INTS3: variants seen among roughly 807,000 people sequenced by gnomAD.
INTS3 encodes the protein SOSS complex subunit A.
A neutral mutation model predicts 146.3 loss-of-function variants in INTS3; 34 were observed. The observed-to-expected ratio is 0.23, with a 90% CI of 0.18 to 0.31. INTS3 has a LOEUF of 0.31. Among genes scored for constraint, INTS3 ranks in the 10% least tolerant of loss-of-function variants. INTS3 has a pLI of 1.00. For missense variants in INTS3, 757 were observed against 1,304.2 expected (o/e 0.58, Z 6.46); for synonymous variants, 475 against 494.9 (o/e 0.96, Z 0.53).
intron 19 of INTS3, 79 bp from the exon 20 acceptor site, chr1:153,764,865 C>T: frequency 1.3e-6 from 2 of 1,588,084 alleles, no homozygotes; most frequent in African/African-American, 1.3e-5. Flanking sequence ...CACAGACAGC[C>T]CATGCCACCT....
intron 23 of INTS3, 55 bp from the exon 24 acceptor site, chr1:153,770,143 G>C: frequency 1.1e-6 from 1 of 885,188 alleles, no homozygotes; most frequent in Non-Finnish European, 1.9e-6. Flanking sequence ...GGGTGTGTGT[G>C]TGTGTGTGTT....
chr1:153,757,995 A>T lies in INTS3; in HGVS notation c.1149+232A>T, dbSNP rs1672224782. On this transcript the variant is annotated intron_variant, in intron 10 of 29. Coordinates refer to ENST00000318967, the MANE Select transcript of INTS3 (RefSeq NM_023015.5). This position sits in a 1 kb window ranked among gnomAD's most constrained non-coding sequence, Gnocchi z 4.0. ...AGGTTCATCTCCCCCATTACTGCCA[A>T]CCCCCAAAAGCCTGGGTTTCTGGAG... is the stretch of plus-strand genomic sequence containing the variant. 6.6e-6 allele frequency among the ~76,000 whole-genome samples: 1 copy of T among 151,452 alleles called. No homozygotes were observed. The highest frequency in any genetic ancestry group is 2.4e-5 in the African/African-American group (1 of 41,190).
Position 153,769,701 on chromosome 1 carries a change from C to T in INTS3, c.2314-68C>T. ...TTCCCTTACGAGCCCTCCTGCGTCC[C>T]CCTCCATACTAGCTTCCTGGCCCCT... is the stretch of plus-strand genomic sequence containing the variant. On this transcript the variant is annotated intron_variant, in intron 22 of 29. Coordinates refer to ENST00000318967, the MANE Select transcript of INTS3 (RefSeq NM_023015.5). 2 of 1,028,548 alleles carry T rather than the reference C, an allele frequency of 1.9e-6. 1 individual carries two copies. The highest frequency in any genetic ancestry group is 3.6e-5 in the Admixed American group (2 of 56,102). 63.7% of individuals were successfully genotyped at this position (1,028,548 alleles called of 1,614,324 possible). A position where few individuals can be genotyped will look rare whatever the true frequency, so the allele number is the denominator to read the frequency against.
intron 20 of INTS3, among the ~76,000 whole-genome samples, chr1:153,766,109 CTT>C (rs1672568649): frequency 1.5e-5 from 2 of 129,666 alleles, no homozygotes; most frequent in African/African-American, 5.8e-5. Context: ...TTGCTTTTTT[CTT>C]TCTCTTTTTT....
rs138539105 is a variant in INTS3, at chr1:153,735,463, G to C, written c.151-5188G>C. On this transcript the variant is annotated intron_variant, in intron 1 of 29. Transcript: ENST00000318967. ...GGGTTCTTTCTATGTTATGCTTCCT[G>C]TCAGTTTGCTTATTAGCTAGCTGCT... is the stretch of plus-strand genomic sequence containing the variant. Among the ~76,000 whole-genome samples the C allele has an allele frequency of 1.2e-4, 18 of 152,302 alleles. 1 individual carries two copies. In the East Asian group the frequency reaches 1.5e-3, roughly 13 times the overall value.
chr1:153,749,250 A>G (rs1453361631), intron 6 of INTS3, among the ~76,000 whole-genome samples: 2 of 152,156 alleles, frequency 1.3e-5, no homozygotes, highest in African/African-American at 4.8e-5. Context: ...TTCCAGTGGT[A>G]GAGGGTGCAT....
At position 153,772,373 on chromosome 1, in the gene INTS3, G is replaced by A. The variant is rs768259651; in HGVS notation, c.2754G>A (p.Leu918=). The change falls in exon 27 of 30, where the codon CTG becomes CTA. Residue 918 remains leucine, a synonymous_variant. Coordinates refer to ENST00000318967, the MANE Select transcript of INTS3 (RefSeq NM_023015.5). This position sits in a 1 kb window ranked among gnomAD's most constrained non-coding sequence, Gnocchi z 4.6. ...LRSSSSKLAQ[L]TLEQILEHLD... The stretch of plus-strand genomic sequence containing the variant: ...GCTCTAGCAGCAAGCTGGCCCAGCT[G>A]ACTCTGGAGCAGATCCTGGAGCACT... 6.2e-7 allele frequency: 1 copy of A among 1,614,154 alleles called. No individual in the cohort carries two copies. Among genetic ancestry groups the A allele is most frequent in the Non-Finnish European group, 8.5e-7 (1 of 1,180,032 alleles).
At chr1:153,762,648 C>T (rs1672427857) in intron 14 of INTS3, 80 bp from the exon 15 acceptor site, 1 of 1,539,248 alleles carries the variant, frequency 6.5e-7, no homozygotes, top group African/African-American at 1.4e-5. Flanking sequence ...ACTTGCCCTC[C>T]ATTCTCCCTT....
At position 153,728,540 on chromosome 1, in the gene INTS3, T is replaced by C; in HGVS notation, c.-95T>C. 6.9e-7 allele frequency: 1 copy of C among 1,450,790 alleles called. No homozygotes were observed. The highest frequency in any genetic ancestry group is 1.5e-5 in the African/African-American group (1 of 68,164). The allele number at this position is 1,450,790 out of a possible 1,614,324, so 89.9% of individuals were successfully genotyped here. A position where few individuals can be genotyped will look rare whatever the true frequency, so the allele number is the denominator to read the frequency against. On this transcript the variant is annotated 5_prime_UTR_variant, in exon 1 of 30. Transcript: ENST00000318967. ...TGCTCTCCCCTCCCCAACTTGTTCCTCTTGCCCCCCAGTCCCTGGCAATCC... is the reference window on the plus strand; with the variant it reads ...TGCTCTCCCCTCCCCAACTTGTTCCCCTTGCCCCCCAGTCCCTGGCAATCC...
intron 8 of INTS3, among the ~76,000 whole-genome samples, chr1:153,753,174 C>G (rs925528183): frequency 2.0e-5 from 3 of 152,080 alleles, no homozygotes; most frequent in African/African-American, 2.4e-5. Flanking sequence ...GCTTTAAGTG[C>G]CTCCACTGTG....
Position 153,757,552 on chromosome 1 carries a change from C to G in INTS3, c.958-20C>G, listed in dbSNP as rs1275880501. The G allele has an allele frequency of 6.2e-7, 1 of 1,609,696 alleles. No individual in the cohort carries two copies. Among genetic ancestry groups the G allele is most frequent in the East Asian group, 2.2e-5 (1 of 44,790 alleles). ...CCACACTGTCTTCTAAGGTCTTTTT[C>G]TTGCTTCCCCTTTCCCCAGGTGCGA... On this transcript the variant is annotated intron_variant, in intron 9 of 29. Coordinates refer to ENST00000318967, the MANE Select transcript of INTS3 (RefSeq NM_023015.5). This position sits in a 1 kb window ranked among gnomAD's most constrained non-coding sequence, Gnocchi z 4.0.
rs1249448311 is a variant in INTS3, at chr1:153,770,894, T to G, written c.2552+161T>G. On this transcript the variant is annotated intron_variant, in intron 25 of 29. Transcript: ENST00000318967. Reference sequence around the variant, plus strand: ...CCAACGTGACTTACAAATGAGCAGCTCCCCTGGGATCTGGGCTTCCTCTCG... The same window carrying G: ...CCAACGTGACTTACAAATGAGCAGCGCCCCTGGGATCTGGGCTTCCTCTCG... Among the ~76,000 whole-genome samples, 3 of 152,114 alleles carry G rather than the reference T, an allele frequency of 2.0e-5. No homozygotes were observed. In the East Asian group the frequency reaches 5.8e-4, roughly 29 times the overall value.
intron 5 of INTS3, 81 bp downstream of exon 5, chr1:153,747,444 C>A: frequency 9.4e-7 from 1 of 1,061,626 alleles, no homozygotes; most frequent in Non-Finnish European, 1.5e-6. Context: ...TGATTAAGTG[C>A]CAAAGGGATG....
At chr1:153,755,160 C>A (rs1196118923) in intron 9 of INTS3, among the ~76,000 whole-genome samples, 2 of 152,078 alleles carry the variant, frequency 1.3e-5, no homozygotes, top group Non-Finnish European at 2.9e-5. Flanking sequence ...CCAGACTTGA[C>A]TGAATAATGG....
rs1261502141 is a variant in INTS3 at position 153,757,900 on chromosome 1, C to T, written c.1149+137C>T. 8.1e-6 allele frequency: 5 copies of T among 618,786 alleles called. No homozygotes were observed. Among genetic ancestry groups the T allele is most frequent in the Non-Finnish European group, 1.4e-5 (5 of 353,418 alleles). The allele number at this position is 618,786 out of a possible 1,614,324, so 38.3% of individuals were successfully genotyped here. ...CTCTGGTCTTCCAGAGTGTCTCAGCCTTCACTTCCCTTTGTGTCTCTAGAA... is the reference window on the plus strand; with the variant it reads ...CTCTGGTCTTCCAGAGTGTCTCAGCTTTCACTTCCCTTTGTGTCTCTAGAA... On this transcript the variant is annotated intron_variant, in intron 10 of 29. Coordinates refer to ENST00000318967, the MANE Select transcript of INTS3 (RefSeq NM_023015.5). This position sits in a 1 kb window ranked among gnomAD's most constrained non-coding sequence, Gnocchi z 4.0.
intron 24 of INTS3, 138 bp from the exon 25 acceptor site, chr1:153,770,547 G>A (rs1467304474): frequency 1.3e-6 from 1 of 762,762 alleles, no homozygotes; most frequent in African/African-American, 1.7e-5. Context: ...GATAGGAGTG[G>A]GGTAGGGGAT....
rs918985139 is a variant in INTS3, at chr1:153,728,565, C to T, written c.-70C>T. ...TCTTGCCCCCCAGTCCCTGGCAATC[C>T]AGAGATCCCGATATCTAGGACTGTC... is the stretch of plus-strand genomic sequence containing the variant. On this transcript the variant is annotated 5_prime_UTR_variant, in exon 1 of 30. Coordinates refer to ENST00000318967, the MANE Select transcript of INTS3 (RefSeq NM_023015.5). 1.3e-6 allele frequency: 2 copies of T among 1,505,376 alleles called. No homozygotes were observed. The highest frequency in any genetic ancestry group is 1.8e-6 in the Non-Finnish European group (2 of 1,130,064). 93.3% of individuals were successfully genotyped at this position (1,505,376 alleles called of 1,614,324 possible). A position where few individuals can be genotyped will look rare whatever the true frequency, so the allele number is the denominator to read the frequency against.
At chr1:153,770,758 T>G (rs6675978) in intron 25 of INTS3, 25 bp downstream of exon 25, 20 of 1,591,764 alleles carry the variant, frequency 1.3e-5, no homozygotes, top group Non-Finnish European at 1.6e-5. Flanking sequence ...TGGGGCTCTT[T>G]AGCCCTCAAT....
rs1188348691 is a variant in INTS3, at chr1:153,747,580, CT to C, written c.517+220del. ...AAAGCAGTAAGTCTTGCCTCATTTT[CT>C]TTCCTGCTAAACCCAGGGCTTGACA... On this transcript the variant is annotated intron_variant, in intron 5 of 29. Coordinates refer to ENST00000318967, the MANE Select transcript of INTS3 (RefSeq NM_023015.5). 6.1e-5 allele frequency: 36 copies of C among 589,308 alleles called. No individual in the cohort carries two copies. The African/African-American group carries it at 6.5e-4, about 11-fold the overall frequency. 36.5% of individuals were successfully genotyped at this position (589,308 alleles called of 1,614,324 possible).
Sources: allele counts gnomAD v4.1 joint callset (sites outside exome capture counted in the v4.1 genomes callset), GRCh38; gene constraint gnomAD v4.1.1; non-coding constraint Gnocchi (gnomAD v3.1); transcripts MANE v1.5; gene names NCBI Gene and HGNC (gene_info 2026-07-23, HGNC 2026-07-21).